WDR7: variants seen among roughly 807,000 people sequenced by gnomAD.
The protein encoded by WDR7 is WD repeat domain 7.
In WDR7, 46 loss-of-function variants were observed where a neutral mutation model predicts 169.4. That is an observed-to-expected ratio of 0.27 (90% CI 0.21 to 0.35). The LOEUF is 0.35. Among genes scored for constraint, WDR7 ranks in the 10% least tolerant of loss-of-function variants. The probability of loss-of-function intolerance (pLI) is 1.00; values close to 1 mark genes in which losing one functional copy is unlikely to be tolerated. For missense variants in WDR7, 1,534 were observed against 1,859.3 expected (o/e 0.83, Z 3.22); for synonymous variants, 612 against 666.8 (o/e 0.92, Z 1.27).
At chr18:56,817,814 C>A (rs1429244945) in intron 20 of WDR7, among the ~76,000 whole-genome samples, 1 of 150,388 alleles carries the variant, frequency 6.6e-6, no homozygotes, top group Non-Finnish European at 1.5e-5. Flanking sequence ...GGCGCGATCT[C>A]GGCTCACTGC....
intron 23 of WDR7, among the ~76,000 whole-genome samples, chr18:56,937,036 G>A (rs964073296): frequency 1.3e-5 from 2 of 152,030 alleles, no homozygotes; most frequent in African/African-American, 2.4e-5. Flanking sequence ...TCATAATATT[G>A]AATATAGTGA....
intron 19 of WDR7, among the ~76,000 whole-genome samples, chr18:56,807,697 G>A (rs566618438): frequency 4.0e-5 from 6 of 151,186 alleles, no homozygotes; most frequent in Admixed American, 4.0e-4. Context: ...TACTAGTTAG[G>A]AAAAAATGTA....
rs138768619 is a variant in WDR7 at position 56,849,565 on chromosome 18, C to T, written c.3305-30379C>T. 7.2e-3 allele frequency among the ~76,000 whole-genome samples: 1,090 copies of T among 152,260 alleles called. 15 individuals carry two copies. The highest frequency in any genetic ancestry group is 0.024 in the Middle Eastern group (7 of 294). On this transcript the variant is annotated intron_variant, in intron 20 of 27. Coordinates refer to ENST00000254442, the MANE Select transcript of WDR7 (RefSeq NM_015285.3). ...AAATAATCACCTAATTCTACATTTT[C>T]CACTTTTCTTCAACTCCAGGATTAC...
At chr18:56,691,418 G>A (rs780968823) in intron 8 of WDR7, 57 bp downstream of exon 8, 3 of 1,501,672 alleles carry the variant, frequency 2.0e-6, no homozygotes, top group Middle Eastern at 2.0e-4. Context: ...TCAGAATTTA[G>A]GGTACAACCT....
chr18:56,750,891 A>G (rs2043780483), intron 14 of WDR7, among the ~76,000 whole-genome samples: 1 of 152,204 alleles, frequency 6.6e-6, no homozygotes, highest in African/African-American at 2.4e-5. Flanking sequence ...TTTTGTTGTA[A>G]CAAGACTTTG....
chr18:56,816,324 G>A (rs572044571), intron 20 of WDR7, among the ~76,000 whole-genome samples, 180 bp downstream of exon 20: 2 of 152,250 alleles, frequency 1.3e-5, no homozygotes, highest in South Asian at 4.1e-4. Context: ...AAAAGAAGTG[G>A]AACTGTTTCT....
intron 2 of WDR7, among the ~76,000 whole-genome samples, 197 bp from the exon 3 acceptor site, chr18:56,679,135 G>T (rs539510306): frequency 6.6e-6 from 1 of 152,200 alleles, no homozygotes; most frequent in Admixed American, 6.5e-5. Flanking sequence ...AGTGAAGCCA[G>T]CCAGGCCTGT....
chr18:56,693,880 G>T (rs1290447758), intron 9 of WDR7, among the ~76,000 whole-genome samples: 2 of 150,880 alleles, frequency 1.3e-5, no homozygotes, highest in South Asian at 2.1e-4. Context: ...CCTACTTTTT[G>T]TTTTTTTGAG....
Position 56,694,722 on chromosome 18 carries a change from A to G in WDR7, c.1070A>G (p.Asn357Ser). The G allele has an allele frequency of 6.2e-7, 1 of 1,613,276 alleles. No individual in the cohort carries two copies. ...TCTTCTGGAAGGTTGAATATTTGGA[A>G]CATATCAGACACAGCTGATAAACAG... ...GDSSGRLNIW[N>S]ISDTADKQGS... Residue 357 changes from asparagine to serine, a missense_variant, in exon 10 of 28, where the codon AAC (asparagine) becomes AGC (serine). Transcript: ENST00000254442.
In WDR7 at chr18:56,654,825, A is replaced by G. The variant is rs528687261; in HGVS notation, c.-20+3249A>G. On this transcript the variant is annotated intron_variant, in intron 1 of 27. Coordinates refer to ENST00000254442, the MANE Select transcript of WDR7 (RefSeq NM_015285.3). ...TTTTAAACTTATTGGTCTTTAATACATGCAGAGTTTAACTTTTTATGTGTC... is the reference window on the plus strand; with the variant it reads ...TTTTAAACTTATTGGTCTTTAATACGTGCAGAGTTTAACTTTTTATGTGTC... Among the ~76,000 whole-genome samples, 4 of 152,326 alleles carry G rather than the reference A, an allele frequency of 2.6e-5. No individual in the cohort carries two copies. In the East Asian group the frequency reaches 7.7e-4, roughly 29 times the overall value.
intron 21 of WDR7, among the ~76,000 whole-genome samples, chr18:56,900,033 T>G (rs1433483613): frequency 6.7e-6 from 1 of 149,802 alleles, no homozygotes; most frequent in Non-Finnish European, 1.5e-5. Flanking sequence ...ATAAGTGATC[T>G]CTGAATTAAG....
intron 12 of WDR7, among the ~76,000 whole-genome samples, chr18:56,706,491 A>G (rs1334282237): frequency 6.6e-6 from 1 of 152,096 alleles, no homozygotes; most frequent in East Asian, 1.9e-4. Context: ...CCCTAGCCAC[A>G]ATTTCTGTGA....
chr18:57,001,212 A>G (rs918732647), intron 26 of WDR7, among the ~76,000 whole-genome samples: 31 of 152,302 alleles, frequency 2.0e-4, no homozygotes, highest in Non-Finnish European at 4.1e-4. Flanking sequence ...AAAAATATGT[A>G]TATATCACTT....
chr18:56,723,642 G>C (rs1472126399), intron 13 of WDR7, among the ~76,000 whole-genome samples: 1 of 151,750 alleles, frequency 6.6e-6, no homozygotes, highest in Non-Finnish European at 1.5e-5. Context: ...CTTAATTACT[G>C]GTTTTGAGCA....
chr18:56,944,057 C>T (rs1188803722), intron 25 of WDR7, among the ~76,000 whole-genome samples: 3 of 135,606 alleles, frequency 2.2e-5, no homozygotes, highest in Non-Finnish European at 4.6e-5. Context: ...GGCGCAATCT[C>T]GGCTCACTGC....
chr18:56,669,036 A>T (rs2025078863), intron 1 of WDR7, among the ~76,000 whole-genome samples: 1 of 152,236 alleles, frequency 6.6e-6, no homozygotes, highest in South Asian at 2.1e-4. Context: ...TCTTTTACAG[A>T]TGGGGAAACT....
At chr18:56,691,957 CAGTT>C in intron 9 of WDR7, 140 bp downstream of exon 9, 1 of 573,310 alleles carries the variant, frequency 1.7e-6, no homozygotes, top group Non-Finnish European at 2.9e-6. Flanking sequence ...TTGAGATGGT[CAGTT>C]ATAAGGACAT....
intron 21 of WDR7, among the ~76,000 whole-genome samples, chr18:56,899,306 G>C (rs2046370958): frequency 6.6e-6 from 1 of 151,966 alleles, no homozygotes. Context: ...TGTCCATTAA[G>C]CCATGATGCT....
intron 9 of WDR7, among the ~76,000 whole-genome samples, chr18:56,693,182 A>G (rs1010109507): frequency 1.3e-5 from 2 of 152,252 alleles, no homozygotes; most frequent in Non-Finnish European, 2.9e-5. Flanking sequence ...CAGTATTTGA[A>G]TACAGTAATT....
Sources: allele counts gnomAD v4.1 joint callset (sites outside exome capture counted in the v4.1 genomes callset), GRCh38; gene constraint gnomAD v4.1.1; transcripts MANE v1.5; gene names NCBI Gene and HGNC (gene_info 2026-07-23, HGNC 2026-07-21).